SORCS2: variants seen among roughly 807,000 people sequenced by gnomAD.
SORCS2 encodes the protein sortilin related VPS10 domain containing receptor 2.
SORCS2 carries 100 observed loss-of-function variants against 141.6 expected under a neutral mutation model. The observed-to-expected ratio is 0.71, with a 90% CI of 0.60 to 0.83. The LOEUF (loss-of-function observed/expected upper bound fraction) is 0.83, where lower values mean the gene tolerates loss of function less well. SORCS2 is among the 40% of genes least tolerant of loss of function. SORCS2 has a pLI of 0.00. For synonymous variants in SORCS2, 789 were observed against 676.9 expected (o/e 1.17, Z -2.57); for missense variants, 1,646 against 1,560.2 (o/e 1.05, Z -0.93).
At chr4:7,393,102 C>T (rs1404604489) in intron 1 of SORCS2, among the ~76,000 whole-genome samples, 1 of 152,134 alleles carries the variant, frequency 6.6e-6, no homozygotes, top group African/African-American at 2.4e-5. Flanking sequence ...ATGCGTGCAT[C>T]CTGACGAGCC....
At chr4:7,326,883 G>A (rs994114606) in intron 1 of SORCS2, among the ~76,000 whole-genome samples, 5 of 152,234 alleles carry the variant, frequency 3.3e-5, no homozygotes, top group African/African-American at 9.6e-5. Flanking sequence ...AGGCCAGCAC[G>A]CCCTTGCTGC....
intron 3 of SORCS2, among the ~76,000 whole-genome samples, chr4:7,585,831 T>G (rs1716501615): frequency 6.6e-6 from 1 of 152,222 alleles, no homozygotes; most frequent in South Asian, 2.1e-4. Flanking sequence ...CCATCCCTGT[T>G]GAAGGACAGC....
intron 3 of SORCS2, among the ~76,000 whole-genome samples, chr4:7,575,261 T>A (rs769802474): frequency 6.6e-5 from 10 of 152,382 alleles, no homozygotes; most frequent in Non-Finnish European, 1.3e-4. Context: ...TCATTAACCC[T>A]ATTCAAAAAG....
At chr4:7,708,367 C>T (rs1725608395) in intron 14 of SORCS2, among the ~76,000 whole-genome samples, 2 of 152,160 alleles carry the variant, frequency 1.3e-5, no homozygotes, top group South Asian at 2.1e-4. Flanking sequence ...CTCTGCTTCC[C>T]AGCTGGGGTC....
At chr4:7,574,158 G>A (rs1254081597) in intron 3 of SORCS2, among the ~76,000 whole-genome samples, 5 of 152,354 alleles carry the variant, frequency 3.3e-5, no homozygotes, top group East Asian at 1.9e-4. Flanking sequence ...CCAGAAGCTC[G>A]AGCATCAGCT....
rs188138669 is a variant in SORCS2 at position 7,413,773 on chromosome 4, C to G, written c.548+17418C>G. 2.6e-5 allele frequency among the ~76,000 whole-genome samples: 4 copies of G among 152,232 alleles called. No individual in the cohort carries two copies. In the East Asian group the frequency reaches 7.7e-4, roughly 29 times the overall value. On this transcript the variant is annotated intron_variant, in intron 2 of 26. Coordinates refer to ENST00000507866, the MANE Select transcript of SORCS2 (RefSeq NM_020777.3). ...TTTAACCAAGTCCTCATTTTTAGAC[C>G]TCTGAGTCATTTCTGATTTTCACTA...
At chr4:7,510,226 G>A (rs1048916133) in intron 2 of SORCS2, among the ~76,000 whole-genome samples, 5 of 152,220 alleles carry the variant, frequency 3.3e-5, no homozygotes, top group Admixed American at 2.0e-4. Context: ...CGGGTGGAGC[G>A]GCCGGCGGGG....
rs368356658 is a variant in SORCS2 at position 7,488,081 on chromosome 4, G to T, written c.549-43449G>T. 3.9e-5 allele frequency among the ~76,000 whole-genome samples: 6 copies of T among 152,298 alleles called. No individual in the cohort carries two copies. The South Asian group carries it at 6.2e-4, about 16-fold the overall frequency. On this transcript the variant is annotated intron_variant, in intron 2 of 26. Coordinates refer to ENST00000507866, the MANE Select transcript of SORCS2 (RefSeq NM_020777.3). ...GTAATGCGCATCTCCCGGTACCTGA[G>T]CCCTGTGCTAGGAGAGGTTCGGAAA...
intron 3 of SORCS2, among the ~76,000 whole-genome samples, chr4:7,623,899 G>A (rs1399106457): frequency 6.6e-6 from 1 of 152,170 alleles, no homozygotes; most frequent in Non-Finnish European, 1.5e-5. Context: ...AGGAAGAGCA[G>A]CGCGCGTCCC....
At chr4:7,537,563 A>G (rs1416415252) in intron 3 of SORCS2, among the ~76,000 whole-genome samples, 1 of 152,194 alleles carries the variant, frequency 6.6e-6, no homozygotes, top group African/African-American at 2.4e-5. Flanking sequence ...GAGAGCAGAT[A>G]CAGATTATGT....
chr4:7,643,337 A>C (rs1330509159), intron 4 of SORCS2, among the ~76,000 whole-genome samples: 6 of 152,166 alleles, frequency 3.9e-5, no homozygotes, highest in African/African-American at 9.7e-5. Context: ...CATGAAACTG[A>C]CCAGCCTGTT....
At chr4:7,370,490 A>T (rs1225829330) in intron 1 of SORCS2, among the ~76,000 whole-genome samples, 1 of 152,270 alleles carries the variant, frequency 6.6e-6, no homozygotes, top group East Asian at 1.9e-4. Flanking sequence ...AGCTGAGTAG[A>T]GAATTAACAA....
rs761215617 is a variant in SORCS2 at position 7,638,283 on chromosome 4, A to G, written c.649-45A>G. On this transcript the variant is annotated intron_variant, in intron 3 of 26. Transcript: ENST00000507866. ...CACAACACCTTTCTGGTGTCGGGGG[A>G]GAGGGGCACCTGGCCCAGGCCTCAC... 3 of 1,485,616 alleles carry G rather than the reference A, an allele frequency of 2.0e-6. No individual in the cohort carries two copies. The Admixed American group carries it at 7.6e-5, about 38-fold the overall frequency. The allele number at this position is 1,485,616 out of a possible 1,614,324, so 92.0% of individuals were successfully genotyped here. A position where few individuals can be genotyped will look rare whatever the true frequency, so the allele number is the denominator to read the frequency against.
intron 2 of SORCS2, among the ~76,000 whole-genome samples, chr4:7,462,849 C>A (rs567579118): frequency 6.7e-6 from 1 of 149,886 alleles, no homozygotes; most frequent in African/African-American, 2.5e-5. Flanking sequence ...CCAGAGGGAG[C>A]GCTCACAACA....
chr4:7,720,759 G>A (rs1164144212), intron 18 of SORCS2, among the ~76,000 whole-genome samples: 3 of 152,246 alleles, frequency 2.0e-5, no homozygotes, highest in Non-Finnish European at 4.4e-5. Flanking sequence ...AACGCCATCA[G>A]CCGCCAGGGA....
chr4:7,576,320 A>T (rs1449675964), intron 3 of SORCS2, among the ~76,000 whole-genome samples: 1 of 152,248 alleles, frequency 6.6e-6, no homozygotes, highest in Non-Finnish European at 1.5e-5. Context: ...ATTGCATCCT[A>T]AAGATAAGAG....
chr4:7,702,646 G>A lies in SORCS2; in HGVS notation c.1669-634G>A, dbSNP rs191876244. 1.1e-4 allele frequency among the ~76,000 whole-genome samples: 16 copies of A among 152,292 alleles called. 1 individual carries two copies. In the East Asian group the frequency reaches 1.5e-3, roughly 15 times the overall value. On this transcript the variant is annotated intron_variant, in intron 12 of 26. Coordinates refer to ENST00000507866, the MANE Select transcript of SORCS2 (RefSeq NM_020777.3). ...TTTGTCCCTTGGGGATCTGGTGGTC[G>A]GCCATTCATTCACTTGTTCACTGAT... is the stretch of plus-strand genomic sequence containing the variant.
chr4:7,482,593 G>A (rs1220942208), intron 2 of SORCS2, among the ~76,000 whole-genome samples: 6 of 90,458 alleles, frequency 6.6e-5, no homozygotes, highest in Non-Finnish European at 1.3e-4. Context: ...GACACCCCTG[G>A]CTGCTGTTCA....
chr4:7,433,266 C>T lies in SORCS2; in HGVS notation c.548+36911C>T, dbSNP rs78445843. On this transcript the variant is annotated intron_variant, in intron 2 of 26. Transcript: ENST00000507866. ...TGTGAAATGGGGATGGGGAAAGCAC[C>T]CACCTCATGGGCCTCGCTAGCAGGC... 6,824 of 1,335,852 alleles carry T rather than the reference C, an allele frequency of 5.1e-3. 286 individuals carry two copies. In the African/African-American group the frequency reaches 0.092, roughly 18 times the overall value. 82.7% of individuals were successfully genotyped at this position (1,335,852 alleles called of 1,614,324 possible). A position where few individuals can be genotyped will look rare whatever the true frequency, so the allele number is the denominator to read the frequency against.
Sources: gnomAD v4.1 joint callset for allele counts (sites outside exome capture counted in the v4.1 genomes callset) on GRCh38, gnomAD v4.1.1 for gene constraint, MANE v1.5 for transcripts, NCBI Gene and HGNC (gene_info 2026-07-23, HGNC 2026-07-21) for gene names.